AGBL1: variants seen among roughly 807,000 people sequenced by gnomAD.
AGBL1 encodes the protein cytosolic carboxypeptidase 4.
In AGBL1, 130 loss-of-function variants were observed where a neutral mutation model predicts 118.9. That is an observed-to-expected ratio of 1.09 (90% confidence interval 0.95 to 1.26). The LOEUF is 1.26. Ranked by LOEUF, AGBL1 falls within the 50% of genes most tolerant of loss-of-function variation. The pLI is 0.00. For missense variants in AGBL1, 1,584 were observed against 1,298.1 expected (o/e 1.22, Z -3.38); for synonymous variants, 555 against 478.9 (o/e 1.16, Z -2.08).
intron 18 of AGBL1, among the ~76,000 whole-genome samples, chr15:86,474,925 G>A (rs144433093): frequency 0.011 from 1,729 of 152,014 alleles, 38 homozygotes; most frequent in African/African-American, 0.039. Flanking sequence ...AGCAATATTC[G>A]CTGTTCTGCA....
chr15:86,733,223 A>G (rs1003816288), intron 22 of AGBL1, among the ~76,000 whole-genome samples: 1 of 152,070 alleles, frequency 6.6e-6, no homozygotes, highest in Non-Finnish European at 1.5e-5. Flanking sequence ...AAGCCTGAGA[A>G]CTGGGGATAA....
chr15:86,192,418 GTACA>G (rs1298637518), intron 5 of AGBL1, among the ~76,000 whole-genome samples: 2 of 151,424 alleles, frequency 1.3e-5, no homozygotes, highest in Admixed American at 1.3e-4. Flanking sequence ...ATAATGCAAT[GTACA>G]TACATATGTG....
chr15:86,661,308 T>A (rs2085534716), intron 21 of AGBL1, among the ~76,000 whole-genome samples: 1 of 152,110 alleles, frequency 6.6e-6, no homozygotes. Flanking sequence ...GCTAGAGATG[T>A]AGAAATAAAG....
At chr15:86,826,406 AAT>A in intron 22 of AGBL1, among the ~76,000 whole-genome samples, 1 of 152,098 alleles carries the variant, frequency 6.6e-6, no homozygotes, top group South Asian at 2.1e-4. Flanking sequence ...GAAATATTAG[AAT>A]TGATTTATTA....
At chr15:86,938,761 T>A (rs1418662995) in intron 23 of AGBL1, 1 of 152,180 alleles carries the variant, frequency 6.6e-6, no homozygotes, top group African/African-American at 2.4e-5. Flanking sequence ...TCTGATCCTC[T>A]AGTTCAGGGT....
chr15:86,410,498 GT>G (rs1248076647), intron 18 of AGBL1, among the ~76,000 whole-genome samples: 2 of 151,930 alleles, frequency 1.3e-5, no homozygotes, highest in East Asian at 3.9e-4. Flanking sequence ...CTCTACTCCT[GT>G]TTGCTCCACT....
intron 5 of AGBL1, among the ~76,000 whole-genome samples, chr15:86,177,222 G>A (rs2077493661): frequency 6.6e-6 from 1 of 152,144 alleles, no homozygotes; most frequent in African/African-American, 2.4e-5. Flanking sequence ...TTCCGTAATA[G>A]TAAAGGGTCA....
chr15:86,237,351 G>A (rs140662131), intron 6 of AGBL1, among the ~76,000 whole-genome samples: 19 of 152,308 alleles, frequency 1.2e-4, no homozygotes, highest in African/African-American at 4.3e-4. Flanking sequence ...TGCTTGCAAC[G>A]CAGGGCAGAA....
intron 22 of AGBL1, among the ~76,000 whole-genome samples, chr15:86,726,143 C>T (rs1313886985): frequency 6.6e-6 from 1 of 152,180 alleles, no homozygotes. Context: ...TATACATTAA[C>T]TTATTAGATG....
chr15:86,613,272 C>G lies in AGBL1; in HGVS notation c.2994+58735C>G, dbSNP rs201288256. Among the ~76,000 whole-genome samples the G allele has an allele frequency of 1.3e-5, 2 of 152,208 alleles. No homozygotes were observed. The highest frequency in any genetic ancestry group is 3.9e-4 in the East Asian group (2 of 5,178). ...TTTGTTGGTTTTGGAACGTAAGATC[C>G]CAAACCATTGGAGAACTGCAGCATG... On this transcript the variant is annotated intron_variant, in intron 21 of 22. Transcript: ENST00000614907. The surrounding 1 kb of genome is among the most constrained non-coding windows in gnomAD (Gnocchi z 4.2).
At chr15:86,666,892 C>A (rs2085653969) in intron 21 of AGBL1, among the ~76,000 whole-genome samples, 1 of 152,154 alleles carries the variant, frequency 6.6e-6, no homozygotes, top group Non-Finnish European at 1.5e-5. Context: ...GGACTGTAAC[C>A]CCAGCAATAT....
At chr15:86,389,307 G>T (rs1299786413) in intron 17 of AGBL1, among the ~76,000 whole-genome samples, 3 of 151,992 alleles carry the variant, frequency 2.0e-5, no homozygotes, top group African/African-American at 7.2e-5. Context: ...AAGTTTCCAG[G>T]TACCTAAAGA....
At chr15:86,961,270 C>T (rs1455817593) in intron 23 of AGBL1, among the ~76,000 whole-genome samples, 2 of 151,940 alleles carry the variant, frequency 1.3e-5, no homozygotes, top group East Asian at 1.9e-4. Flanking sequence ...ATTGCTGCAA[C>T]CTCTGTTAGG....
intron 22 of AGBL1, among the ~76,000 whole-genome samples, chr15:86,797,686 C>T (rs1233994081): frequency 6.6e-6 from 1 of 151,980 alleles, no homozygotes; most frequent in Non-Finnish European, 1.5e-5. Context: ...AAATGCATTT[C>T]AAGAGGCAAG....
At chr15:86,981,642 C>A (rs2081232763) in intron 23 of AGBL1, among the ~76,000 whole-genome samples, 1 of 152,122 alleles carries the variant, frequency 6.6e-6, no homozygotes, top group African/African-American at 2.4e-5. Flanking sequence ...ACTTTTGAAA[C>A]TTTTAATACA....
chr15:86,329,849 G>C (rs189736080), intron 17 of AGBL1, among the ~76,000 whole-genome samples: 20 of 152,216 alleles, frequency 1.3e-4, no homozygotes, highest in Middle Eastern at 3.4e-3. Flanking sequence ...CACTTTTCCT[G>C]TGCAGAGATC....
At chr15:86,215,927 A>G (rs1028121823) in intron 5 of AGBL1, among the ~76,000 whole-genome samples, 2 of 152,264 alleles carry the variant, frequency 1.3e-5, no homozygotes, top group South Asian at 2.1e-4. Context: ...ATCTTTAGCA[A>G]TATTTTTTCA....
chr15:86,756,506 G>A (rs7498034), intron 22 of AGBL1, among the ~76,000 whole-genome samples: 2 of 149,844 alleles, frequency 1.3e-5, no homozygotes, highest in Non-Finnish European at 2.9e-5. Context: ...GGTGTTTTAA[G>A]AAGGGAAGGG....
chr15:86,649,887 A>G (rs2085342269), intron 21 of AGBL1, among the ~76,000 whole-genome samples: 1 of 152,052 alleles, frequency 6.6e-6, no homozygotes, highest in Non-Finnish European at 1.5e-5. Flanking sequence ...CTTTAAAACT[A>G]CATGTCAGTT....
Sources: allele counts gnomAD v4.1 joint callset (sites outside exome capture counted in the v4.1 genomes callset), GRCh38; gene constraint gnomAD v4.1.1; non-coding constraint Gnocchi (gnomAD v3.1); transcripts MANE v1.5; gene names NCBI Gene and HGNC (gene_info 2026-07-23, HGNC 2026-07-21).